PLEKHA8: variants seen among roughly 807,000 people sequenced by gnomAD.
The protein encoded by PLEKHA8 is pleckstrin homology domain-containing family A member 8.
PLEKHA8 carries 36 observed loss-of-function variants against 68.2 expected under a neutral mutation model. The observed-to-expected ratio is 0.53, with a 90% CI of 0.40 to 0.70. The LOEUF is 0.70. Among genes scored for constraint, PLEKHA8 ranks in the 30% least tolerant of loss-of-function variants. The pLI is 0.00. For missense variants in PLEKHA8, 505 were observed against 615.4 expected, an observed-to-expected ratio of 0.82 and a Z score of 1.90; for synonymous variants, 211 against 216.1, an observed-to-expected ratio of 0.98 and a Z score of 0.20.
At chr7:30,064,829 CTG>C (rs1793708735) in intron 12 of PLEKHA8, among the ~76,000 whole-genome samples, 1 of 152,166 alleles carries the variant, frequency 6.6e-6, no homozygotes, top group South Asian at 2.1e-4. Context: ...GGGTTTAGCA[CTG>C]TGTGCCCAGT....
At chr7:30,115,916 GTGCGTGTA>G (rs1460202856) in intron 13 of PLEKHA8, 3 of 112,602 alleles carry the variant, frequency 2.7e-5, no homozygotes, top group Admixed American at 8.6e-5. Flanking sequence ...ACATGCATGC[GTGCGTGTA>G]CATACATGTA....
chr7:30,112,593 T>C (rs981580711), intron 13 of PLEKHA8, among the ~76,000 whole-genome samples: 2 of 151,974 alleles, frequency 1.3e-5, no homozygotes, highest in Non-Finnish European at 2.9e-5. Flanking sequence ...CTCATGCCTG[T>C]AGTCCCAGCT....
chr7:30,064,814 A>G (rs1249363001), intron 12 of PLEKHA8, among the ~76,000 whole-genome samples: 2 of 152,176 alleles, frequency 1.3e-5, no homozygotes, highest in Admixed American at 6.5e-5. Flanking sequence ...AATGCAGAAG[A>G]TACAGGGTTT....
At chr7:30,115,593 C>CAT (rs1182435521) in intron 13 of PLEKHA8, among the ~76,000 whole-genome samples, 75 of 138,784 alleles carry the variant, frequency 5.4e-4, no homozygotes, top group African/African-American at 1.7e-3. Flanking sequence ...TACATGTAGA[C>CAT]ATGTATACAT....
At chr7:30,110,816 T>G (rs1796248365) in intron 13 of PLEKHA8, among the ~76,000 whole-genome samples, 1 of 152,238 alleles carries the variant, frequency 6.6e-6, no homozygotes, top group Non-Finnish European at 1.5e-5. Flanking sequence ...CATCTTTTCA[T>G]GTGCTTATTA....
chr7:30,067,759 G>GT (rs1461592298), intron 12 of PLEKHA8, among the ~76,000 whole-genome samples: 1 of 152,130 alleles, frequency 6.6e-6, no homozygotes, highest in Non-Finnish European at 1.5e-5. Flanking sequence ...TCTTCACTCA[G>GT]TATTTTCAGA....
chr7:30,079,285 G>A lies in PLEKHA8; in HGVS notation c.*498G>A. 2.0e-6 allele frequency: 2 copies of A among 988,782 alleles called. No individual in the cohort carries two copies. Among genetic ancestry groups the A allele is most frequent in the Non-Finnish European group, 2.4e-6 (2 of 832,188 alleles). The allele number at this position is 988,782 out of a possible 1,614,324, so 61.3% of individuals were successfully genotyped here. A position where few individuals can be genotyped will look rare whatever the true frequency, so the allele number is the denominator to read the frequency against. ...TGTTCTTCAGTGGACCCTCTTCACTGCAACTCTGTCAGTGATAAGGGCCTG... is the reference window on the plus strand; with the variant it reads ...TGTTCTTCAGTGGACCCTCTTCACTACAACTCTGTCAGTGATAAGGGCCTG... On this transcript the variant is annotated 3_prime_UTR_variant, in exon 14 of 14. Transcript: ENST00000449726.
chr7:30,079,950 A>G lies in PLEKHA8; in HGVS notation c.*1163A>G. 1.0e-6 allele frequency: 1 copy of G among 985,186 alleles called. No homozygotes were observed. The allele number at this position is 985,186 out of a possible 1,614,324, so 61.0% of individuals were successfully genotyped here. ...GCTGCTATTTAAATAAAATAGCTAAATGGAGAGTGAGAAGTGGAGCAGGTT... is the reference window on the plus strand; with the variant it reads ...GCTGCTATTTAAATAAAATAGCTAAGTGGAGAGTGAGAAGTGGAGCAGGTT... On this transcript the variant is annotated 3_prime_UTR_variant, in exon 14 of 14. Transcript: ENST00000449726.
chr7:30,035,385 C>T (rs1028821380), intron 1 of PLEKHA8, among the ~76,000 whole-genome samples: 1 of 152,164 alleles, frequency 6.6e-6, no homozygotes, highest in Non-Finnish European at 1.5e-5. Flanking sequence ...GTGTACCAGG[C>T]AGGTTCATAG....
At chr7:30,051,438 TAC>T (rs1359607890) in intron 6 of PLEKHA8, among the ~76,000 whole-genome samples, 6 of 152,146 alleles carry the variant, frequency 3.9e-5, no homozygotes, top group African/African-American at 1.4e-4. Flanking sequence ...TTCCTGTAGT[TAC>T]TATGTAGCTT....
intron 13 of PLEKHA8, among the ~76,000 whole-genome samples, chr7:30,123,335 A>G (rs923204598): frequency 3.3e-5 from 5 of 152,242 alleles, no homozygotes; most frequent in African/African-American, 1.2e-4. Flanking sequence ...TTGAATGCCA[A>G]TCTGGCTTTC....
In PLEKHA8 at chr7:30,046,287, G is replaced by C; in HGVS notation, c.235G>C (p.Ala79Pro). The C allele has an allele frequency of 6.2e-7, 1 of 1,614,010 alleles. No individual in the cohort carries two copies. Among genetic ancestry groups the C allele is most frequent in the Non-Finnish European group, 8.5e-7 (1 of 1,179,914 alleles). ...TTTCTACCTGAAGGCCAGAAGTGTG[G>C]CTGAAAGACAGCGGTGGCTGGTGGC... ...QYFYLKARSV[A>P]ERQRWLVALG... is the part of the protein sequence containing the mutation. The change falls in exon 3 of 14, where the codon GCT (alanine) becomes CCT (proline). Residue 79 changes from alanine to proline, a missense_variant. Transcript: ENST00000449726.
downstream of PLEKHA8, among the ~76,000 whole-genome samples, chr7:30,094,148 G>T (rs932233635): frequency 6.6e-6 from 1 of 152,142 alleles, no homozygotes; most frequent in African/African-American, 2.4e-5. Flanking sequence ...TACATTATCC[G>T]AAGGGACATC....
At chr7:30,048,525 A>G (rs548458483) in intron 4 of PLEKHA8, among the ~76,000 whole-genome samples, 11 of 152,326 alleles carry the variant, frequency 7.2e-5, no homozygotes, top group African/African-American at 1.7e-4. Flanking sequence ...GATTTTTAGC[A>G]TTTATTAATA....
chr7:30,105,121 C>T (rs1382823732), intron 13 of PLEKHA8, among the ~76,000 whole-genome samples: 1 of 151,828 alleles, frequency 6.6e-6, no homozygotes, highest in Non-Finnish European at 1.5e-5. Context: ...ATCAGACTGC[C>T]CACTTATAAT....
intron 13 of PLEKHA8, among the ~76,000 whole-genome samples, chr7:30,107,158 A>G (rs1458586614): frequency 6.6e-6 from 1 of 152,112 alleles, no homozygotes; most frequent in Non-Finnish European, 1.5e-5. Flanking sequence ...TCTTCCTACC[A>G]ATGAATATAG....
intron 13 of PLEKHA8, among the ~76,000 whole-genome samples, chr7:30,098,838 C>T (rs964243628): frequency 3.3e-4 from 50 of 152,190 alleles, no homozygotes; most frequent in East Asian, 1.9e-4. Context: ...ACCCACTGTC[C>T]GGCACTCCCC....
intron 1 of PLEKHA8, 22 bp downstream of exon 1, chr7:30,028,824 G>T: frequency 8.0e-7 from 1 of 1,256,030 alleles, no homozygotes; most frequent in East Asian, 3.1e-5. Flanking sequence ...TGCCGGGCCG[G>T]GGGCGCGCCG....
intron 13 of PLEKHA8, among the ~76,000 whole-genome samples, chr7:30,115,636 AC>A (rs1338137323): frequency 2.0e-5 from 3 of 150,918 alleles, no homozygotes; most frequent in Non-Finnish European, 4.4e-5. Flanking sequence ...ATGTACACAT[AC>A]ATGCACACAT....
Sources: gnomAD v4.1 joint callset for allele counts (sites outside exome capture counted in the v4.1 genomes callset) on GRCh38, gnomAD v4.1.1 for gene constraint, MANE v1.5 for transcripts, NCBI Gene and HGNC (gene_info 2026-07-23, HGNC 2026-07-21) for gene names.